L3MBTL3: variants seen among roughly 807,000 people sequenced by gnomAD.
L3MBTL3 encodes the protein L3MBTL histone methyl-lysine binding protein 3.
L3MBTL3 carries 27 observed loss-of-function variants against 102.3 expected under a neutral mutation model. The observed-to-expected ratio is 0.26, with a 90% CI of 0.19 to 0.36. The LOEUF (loss-of-function observed/expected upper bound fraction) is 0.36. Among genes scored for constraint, L3MBTL3 ranks in the 10% least tolerant of loss-of-function variants. The pLI is 1.00. For missense variants in L3MBTL3, 798 were observed against 955.3 expected, an observed-to-expected ratio of 0.84 and a Z score of 2.17; for synonymous variants, 340 against 320.9, an observed-to-expected ratio of 1.06 and a Z score of -0.64.
chr6:130,120,524 C>T (rs917214752), intron 19 of L3MBTL3, among the ~76,000 whole-genome samples: 4 of 152,320 alleles, frequency 2.6e-5, no homozygotes, highest in African/African-American at 7.2e-5. Context: ...ACTTCCAAAA[C>T]GTCTTCTTTC....
intron 2 of L3MBTL3, among the ~76,000 whole-genome samples, chr6:130,034,818 A>G (rs537652351): frequency 6.6e-6 from 1 of 152,240 alleles, no homozygotes; most frequent in African/African-American, 2.4e-5. Context: ...CTGCAAAATG[A>G]CAAATTACTA....
At chr6:130,118,795 A>G (rs940299480) in intron 19 of L3MBTL3, among the ~76,000 whole-genome samples, 1 of 152,182 alleles carries the variant, frequency 6.6e-6, no homozygotes, top group Non-Finnish European at 1.5e-5. Flanking sequence ...GTAAGACTAC[A>G]TAGCTTCCAT....
intron 14 of L3MBTL3, among the ~76,000 whole-genome samples, chr6:130,080,952 T>G (rs1194376449): frequency 6.6e-6 from 1 of 152,212 alleles, no homozygotes. Flanking sequence ...GGGTCATCTC[T>G]GATCTGTCTG....
chr6:130,038,096 T>C (rs1438514092), intron 2 of L3MBTL3, among the ~76,000 whole-genome samples: 4 of 152,158 alleles, frequency 2.6e-5, no homozygotes, highest in Admixed American at 2.6e-4. Flanking sequence ...CTGTCACAAA[T>C]GACAGGATTT....
intron 3 of L3MBTL3, among the ~76,000 whole-genome samples, chr6:130,045,378 G>A (rs1171180184): frequency 6.6e-6 from 1 of 152,162 alleles, no homozygotes; most frequent in East Asian, 1.9e-4. Context: ...TATAAACAGA[G>A]CACAGACATC....
intron 1 of L3MBTL3, among the ~76,000 whole-genome samples, chr6:130,019,682 G>C (rs1778817768): frequency 1.3e-5 from 2 of 151,528 alleles, no homozygotes; most frequent in South Asian, 4.2e-4. Context: ...GAGTTTGCGT[G>C]GCTTCCTCGC....
chr6:130,088,418 G>A (rs1783825254), intron 16 of L3MBTL3, among the ~76,000 whole-genome samples: 1 of 152,172 alleles, frequency 6.6e-6, no homozygotes, highest in South Asian at 2.1e-4. Flanking sequence ...TCTTTTTTAA[G>A]AAGGAAGAAG....
intron 18 of L3MBTL3, among the ~76,000 whole-genome samples, chr6:130,097,865 C>G (rs1295553704): frequency 6.6e-6 from 1 of 152,118 alleles, no homozygotes; most frequent in Admixed American, 6.6e-5. Context: ...ATCGGGAGTT[C>G]TAGACCAGCC....
chr6:130,026,861 C>G (rs1014302812), intron 2 of L3MBTL3, among the ~76,000 whole-genome samples: 6 of 151,834 alleles, frequency 4.0e-5, no homozygotes, highest in African/African-American at 1.2e-4. Flanking sequence ...AAGGCAGGCT[C>G]AGTAGGTTAT....
intron 9 of L3MBTL3, 136 bp from the exon 10 acceptor site, chr6:130,059,900 T>C: frequency 1.8e-6 from 1 of 570,054 alleles, no homozygotes; most frequent in East Asian, 3.1e-5. Context: ...GGGTTATTTA[T>C]TGATTTCTTT....
chr6:130,104,598 C>T (rs370007138), intron 19 of L3MBTL3, 23 bp downstream of exon 19: 113 of 1,523,032 alleles, frequency 7.4e-5, no homozygotes, highest in Non-Finnish European at 9.4e-5. Flanking sequence ...CTAATATTAG[C>T]ATTGTTTAGA....
chr6:130,125,769 G>A (rs554982723), intron 20 of L3MBTL3, among the ~76,000 whole-genome samples: 143 of 152,246 alleles, frequency 9.4e-4, no homozygotes, highest in Non-Finnish European at 1.4e-3. Context: ...CCCTTGCAGT[G>A]TGGGTAGCAT....
chr6:130,089,254 C>A (rs1584406740), intron 16 of L3MBTL3, among the ~76,000 whole-genome samples: 1 of 112,528 alleles, frequency 8.9e-6, no homozygotes, highest in Non-Finnish European at 1.7e-5. Flanking sequence ...GTGTGATGTT[C>A]CCCGCCCTGT....
intron 18 of L3MBTL3, among the ~76,000 whole-genome samples, chr6:130,104,001 G>A (rs1220292411): frequency 1.3e-5 from 2 of 152,196 alleles, no homozygotes; most frequent in Non-Finnish European, 2.9e-5. Flanking sequence ...AAATTAAATA[G>A]CGTGTGACTG....
At chr6:130,034,672 G>GT (rs1779938041) in intron 2 of L3MBTL3, among the ~76,000 whole-genome samples, 1 of 152,176 alleles carries the variant, frequency 6.6e-6, no homozygotes, top group South Asian at 2.1e-4. Context: ...AAAAGAAACA[G>GT]TTTTTATCAC....
chr6:130,090,908 A>G (rs1014348394), intron 16 of L3MBTL3, among the ~76,000 whole-genome samples: 15 of 151,888 alleles, frequency 9.9e-5, no homozygotes, highest in African/African-American at 3.1e-4. Flanking sequence ...GTCTTTTCAT[A>G]TATTTACTAA....
chr6:130,112,128 C>G (rs1205258571), intron 19 of L3MBTL3, among the ~76,000 whole-genome samples: 3 of 152,146 alleles, frequency 2.0e-5, no homozygotes, highest in African/African-American at 7.2e-5. Context: ...GATTTTGGAC[C>G]AAGTCCTTCA....
At position 130,071,617 on chromosome 6, in the gene L3MBTL3, A is replaced by T. The variant is rs113160142; in HGVS notation, c.1244+490A>T. 2.6e-5 allele frequency among the ~76,000 whole-genome samples: 4 copies of T among 152,194 alleles called. No homozygotes were observed. In the East Asian group the frequency reaches 7.7e-4, roughly 29 times the overall value. On this transcript the variant is annotated intron_variant, in intron 13 of 22. Transcript: ENST00000361794. The stretch of plus-strand genomic sequence containing the variant: ...TAAACAGTTGAAATAAGGATTTTTC[A>T]TACCAAATTCATGTTCATTGATTGC...
rs761481182 is a variant in L3MBTL3, at chr6:130,133,644, C to A, written c.2136+23C>A. 5.0e-6 allele frequency: 8 copies of A among 1,609,956 alleles called. No homozygotes were observed. Among genetic ancestry groups the A allele is most frequent in the Non-Finnish European group, 6.8e-6 (8 of 1,179,098 alleles). On this transcript the variant is annotated intron_variant, in intron 21 of 22. Coordinates refer to ENST00000361794, the MANE Select transcript of L3MBTL3 (RefSeq NM_032438.4). This position sits in a 1 kb window ranked among gnomAD's most constrained non-coding sequence, Gnocchi z 4.9. ...GAGGTATATTTTATTTTCTTTGCTGCCCGACACCAGATACAGGATTACTGG... is the reference window on the plus strand; with the variant it reads ...GAGGTATATTTTATTTTCTTTGCTGACCGACACCAGATACAGGATTACTGG...
Sources: allele counts gnomAD v4.1 joint callset (sites outside exome capture counted in the v4.1 genomes callset), GRCh38; gene constraint gnomAD v4.1.1; non-coding constraint Gnocchi (gnomAD v3.1); transcripts MANE v1.5; gene names NCBI Gene and HGNC (gene_info 2026-07-23, HGNC 2026-07-21).